ARHGEF3: variants seen among roughly 807,000 people sequenced by gnomAD.
ARHGEF3 encodes the protein Rho guanine nucleotide exchange factor 3, also known as 59.8 kDA protein.
ARHGEF3 carries 28 observed loss-of-function variants against 63.2 expected under a neutral mutation model. The observed-to-expected ratio is 0.44, with a 90% confidence interval of 0.33 to 0.61. The LOEUF is 0.61. Ranked by LOEUF, ARHGEF3 falls within the 20% of genes least tolerant of loss-of-function variation. The pLI, the probability that ARHGEF3 is intolerant of heterozygous loss-of-function variation, is 0.03. For synonymous variants in ARHGEF3, 266 were observed against 254.2 expected, an observed-to-expected ratio of 1.05 and a Z score of -0.44; for missense variants, 533 against 659.3, an observed-to-expected ratio of 0.81 and a Z score of 2.10.
intron 3 of ARHGEF3, among the ~76,000 whole-genome samples, chr3:56,910,588 G>C (rs1026612041): frequency 6.6e-6 from 1 of 152,132 alleles, no homozygotes; most frequent in Non-Finnish European, 1.5e-5. Flanking sequence ...TTACTGCTTA[G>C]GATGTGTCTA....
rs540429413 is a variant in ARHGEF3, at chr3:56,733,752, G to A, written c.1042-1328C>T. On this transcript the variant is annotated intron_variant, in intron 8 of 9. Coordinates refer to ENST00000296315, the MANE Select transcript of ARHGEF3 (RefSeq NM_019555.3). The stretch of plus-strand genomic sequence containing the variant: ...GAATCCCAGCACTTTGGGAGGCCGA[G>A]GTGGGCGGATCACCTGAGGTCAGGA... Among the ~76,000 whole-genome samples, 109 of 152,126 alleles carry A rather than the reference G, an allele frequency of 7.2e-4. 1 individual carries two copies. In the East Asian group the frequency reaches 0.011, roughly 16 times the overall value.
At chr3:56,908,284 C>T (rs192201652) in intron 3 of ARHGEF3, among the ~76,000 whole-genome samples, 1 of 152,250 alleles carries the variant, frequency 6.6e-6, no homozygotes, top group East Asian at 1.9e-4. Context: ...AATAGAAGAA[C>T]AGCTCCAAAT....
chr3:56,966,931 T>A (rs1578974248), intron 2 of ARHGEF3, among the ~76,000 whole-genome samples: 1 of 150,870 alleles, frequency 6.6e-6, no homozygotes, highest in Non-Finnish European at 1.5e-5. Flanking sequence ...TAGCGCAATC[T>A]CTGCTCACTG....
rs145640390 is a variant in ARHGEF3, at chr3:56,739,994, G to A, written c.871-2639C>T. On this transcript the variant is annotated intron_variant, in intron 7 of 9. Coordinates refer to ENST00000296315, the MANE Select transcript of ARHGEF3 (RefSeq NM_019555.3). ...GGCTCACTGCAACCTCCGCCTCCTG[G>A]ATTCAAGCGATTCTCCTGCCTCAGC... Among the ~76,000 whole-genome samples, 446 of 152,004 alleles carry A rather than the reference G, an allele frequency of 2.9e-3. 5 individuals are homozygous for A. The highest frequency in any genetic ancestry group is 0.01 in the African/African-American group (432 of 41,454).
In ARHGEF3 at chr3:56,909,315, T is replaced by C. The variant is rs192789453; in HGVS notation, c.130-26961A>G. Among the ~76,000 whole-genome samples the C allele has an allele frequency of 4.7e-3, 709 of 152,360 alleles. 3 individuals are homozygous for C. The highest frequency in any genetic ancestry group is 0.017 in the Middle Eastern group (5 of 294). ...CAAGTACCATGTTAAATTCTTAGTA[T>C]GTGTGGGTGCTTGAAGAGTTTGTGC... On this transcript the variant is annotated intron_variant, in intron 3 of 12. Coordinates refer to the ARHGEF3 transcript ENST00000338458.
At chr3:56,996,601 C>T (rs986040270) in intron 2 of ARHGEF3, among the ~76,000 whole-genome samples, 12 of 152,180 alleles carry the variant, frequency 7.9e-5, no homozygotes, top group Admixed American at 7.9e-4. Flanking sequence ...TCTGCTGGCA[C>T]CTTGACCTTG....
At chr3:56,981,041 G>A (rs550809128) in intron 2 of ARHGEF3, among the ~76,000 whole-genome samples, 14 of 152,320 alleles carry the variant, frequency 9.2e-5, no homozygotes, top group East Asian at 3.9e-4. Context: ...CCCTGCAGAC[G>A]TCTGACTAAC....
chr3:57,075,995 A>C lies in ARHGEF3; in HGVS notation c.-28+3231T>G, dbSNP rs1364343027. On this transcript the variant is annotated intron_variant, in intron 1 of 12. Coordinates refer to the ARHGEF3 transcript ENST00000338458. ...ATAGATTAGAATTATATATTAAAAA[A>C]CTTATTTTCAGTTGACTTTCAACCT... Among the ~76,000 whole-genome samples the C allele has an allele frequency of 2.6e-5, 4 of 152,192 alleles. No homozygotes were observed. In the East Asian group the frequency reaches 7.7e-4, roughly 29 times the overall value.
intron 2 of ARHGEF3, among the ~76,000 whole-genome samples, chr3:56,989,084 G>T (rs1317406926): frequency 6.6e-6 from 1 of 152,210 alleles, no homozygotes; most frequent in Non-Finnish European, 1.5e-5. Context: ...AGTGCCCTCT[G>T]CTGGCCGGTA....
At chr3:56,927,556 T>G (rs1213444347) in intron 3 of ARHGEF3, among the ~76,000 whole-genome samples, 1 of 152,130 alleles carries the variant, frequency 6.6e-6, no homozygotes, top group Non-Finnish European at 1.5e-5. Context: ...TTTAACCCAA[T>G]TTAACAAAGA....
At chr3:57,044,811 C>A (rs945184024) in intron 1 of ARHGEF3, among the ~76,000 whole-genome samples, 2 of 152,164 alleles carry the variant, frequency 1.3e-5, no homozygotes, top group Non-Finnish European at 2.9e-5. Flanking sequence ...AGCGGTCAAC[C>A]CCTGCCTGGT....
intron 4 of ARHGEF3, among the ~76,000 whole-genome samples, chr3:56,844,836 T>A (rs984869949): frequency 6.6e-6 from 1 of 152,214 alleles, no homozygotes; most frequent in African/African-American, 2.4e-5. Flanking sequence ...CCCTGCCTCC[T>A]GGTGTTCACA....
At chr3:57,073,428 T>C (rs1015777438) in intron 1 of ARHGEF3, 19 of 399,604 alleles carry the variant, frequency 4.8e-5, no homozygotes, top group Admixed American at 1.2e-4. Context: ...GCTGTGAAAG[T>C]GGACAAGCGT....
intron 2 of ARHGEF3, among the ~76,000 whole-genome samples, chr3:57,034,331 A>C (rs944010271): frequency 6.6e-6 from 1 of 150,506 alleles, no homozygotes; most frequent in Non-Finnish European, 1.5e-5. Context: ...AAGAGGAAGA[A>C]ATGGTGAGTC....
chr3:56,996,986 A>G (rs866084770), intron 2 of ARHGEF3, among the ~76,000 whole-genome samples: 6 of 151,042 alleles, frequency 4.0e-5, no homozygotes, highest in South Asian at 4.2e-4. Context: ...TCTTCTTCCA[A>G]TGTGGCTCAG....
At chr3:56,949,080 C>G (rs1010138442) in intron 3 of ARHGEF3, among the ~76,000 whole-genome samples, 8 of 151,866 alleles carry the variant, frequency 5.3e-5, no homozygotes, top group Non-Finnish European at 7.4e-5. Flanking sequence ...ATTCAACAGC[C>G]CTTCATGCTA....
At chr3:56,818,103 G>A (rs1276331347) in intron 4 of ARHGEF3, among the ~76,000 whole-genome samples, 2 of 152,186 alleles carry the variant, frequency 1.3e-5, no homozygotes, top group Admixed American at 1.3e-4. Context: ...GATAAAAGAG[G>A]AGCCAAAGAC....
At chr3:56,975,146 G>C (rs763724072) in intron 2 of ARHGEF3, among the ~76,000 whole-genome samples, 1 of 152,042 alleles carries the variant, frequency 6.6e-6, no homozygotes, top group South Asian at 2.1e-4. Flanking sequence ...GGCTGAGTGC[G>C]GTGGCTCACA....
chr3:56,878,434 G>A (rs2040662066), intron 4 of ARHGEF3, among the ~76,000 whole-genome samples: 1 of 152,180 alleles, frequency 6.6e-6, no homozygotes, highest in South Asian at 2.1e-4. Flanking sequence ...AGGGGATTGG[G>A]TGAGGCGGTG....
Sources: allele counts gnomAD v4.1 joint callset (sites outside exome capture counted in the v4.1 genomes callset), GRCh38; gene constraint gnomAD v4.1.1; transcripts MANE v1.5; gene names NCBI Gene and HGNC (gene_info 2026-07-23, HGNC 2026-07-21).